The following SEMA3C variants were observed in gnomAD, a reference collection of about 807,000 sequenced individuals.
SEMA3C encodes the protein semaphorin 3C, also known as semaphorin-3C.
A neutral mutation model predicts 89.4 loss-of-function variants in SEMA3C; 47 were observed. That is an observed-to-expected ratio of 0.53 (90% confidence interval 0.42 to 0.67). The LOEUF (loss-of-function observed/expected upper bound fraction) is 0.67, where lower values mean the gene tolerates loss of function less well. Ranked by LOEUF, SEMA3C falls within the 30% of genes least tolerant of loss-of-function variation. The probability of loss-of-function intolerance (pLI) is 0.00; values close to 1 mark genes in which losing one functional copy is unlikely to be tolerated. For synonymous variants in SEMA3C, 310 were observed against 320.2 expected (o/e 0.97, Z 0.34); for missense variants, 839 against 929.1 (o/e 0.90, Z 1.26).
chr7:80,853,311 G>T (rs958988003), intron 2 of SEMA3C, among the ~76,000 whole-genome samples: 1 of 152,128 alleles, frequency 6.6e-6, no homozygotes. Context: ...AGAGTCATCT[G>T]CACTCCCATG....
At chr7:80,745,789 AAATG>A (rs1283650079) in intron 17 of SEMA3C, among the ~76,000 whole-genome samples, 1 of 152,166 alleles carries the variant, frequency 6.6e-6, no homozygotes, top group Non-Finnish European at 1.5e-5. Context: ...TTGTTTCAAT[AAATG>A]AATGGTCTTC....
intron 4 of SEMA3C, among the ~76,000 whole-genome samples, chr7:80,825,230 A>G (rs1562892689): frequency 6.6e-6 from 1 of 152,110 alleles, no homozygotes; most frequent in Admixed American, 6.5e-5. Flanking sequence ...AGTATTTCAC[A>G]TGTATGAAAT....
intron 5 of SEMA3C, among the ~76,000 whole-genome samples, chr7:80,813,342 T>A (rs2115730777): frequency 6.6e-6 from 1 of 152,310 alleles, no homozygotes; most frequent in East Asian, 1.9e-4. Flanking sequence ...CCCTACAATG[T>A]ACAGTGGCCT....
At chr7:80,867,299 C>T (rs1790950553) in intron 2 of SEMA3C, among the ~76,000 whole-genome samples, 1 of 151,924 alleles carries the variant, frequency 6.6e-6, no homozygotes. Context: ...CAGGATCTTG[C>T]TATACTGCCC....
chr7:80,759,769 A>C (rs1788142197), intron 14 of SEMA3C, among the ~76,000 whole-genome samples: 1 of 152,230 alleles, frequency 6.6e-6, no homozygotes, highest in South Asian at 2.1e-4. Context: ...AATTGTGCTG[A>C]AATTGACTGA....
At chr7:80,901,104 A>G (rs1445857423) in intron 2 of SEMA3C, among the ~76,000 whole-genome samples, 1 of 152,220 alleles carries the variant, frequency 6.6e-6, no homozygotes, top group African/African-American at 2.4e-5. Flanking sequence ...TACTGCATCT[A>G]ATTTTGGTGG....
chr7:80,817,962 T>A (rs1176365360), intron 5 of SEMA3C, among the ~76,000 whole-genome samples: 1 of 152,108 alleles, frequency 6.6e-6, no homozygotes, highest in Non-Finnish European at 1.5e-5. Flanking sequence ...TTATAACATT[T>A]TTCTTTCATC....
intron 12 of SEMA3C, among the ~76,000 whole-genome samples, chr7:80,788,631 T>C (rs2115577252): frequency 6.6e-6 from 1 of 152,346 alleles, no homozygotes; most frequent in East Asian, 1.9e-4. Context: ...CAAGCACATT[T>C]TCATTCAACT....
chr7:80,746,667 T>G (rs1004725816), intron 17 of SEMA3C, among the ~76,000 whole-genome samples: 1 of 150,742 alleles, frequency 6.6e-6, no homozygotes, highest in Admixed American at 6.6e-5. Flanking sequence ...GATGGAATAT[T>G]ATGCAGCCAG....
intron 2 of SEMA3C, among the ~76,000 whole-genome samples, chr7:80,851,978 G>A (rs1401056127): frequency 6.6e-6 from 1 of 152,132 alleles, no homozygotes; most frequent in Non-Finnish European, 1.5e-5. Context: ...AAAAACGTTT[G>A]TTTTGGTTTG....
At chr7:80,851,773 G>A (rs756421161) in intron 2 of SEMA3C, among the ~76,000 whole-genome samples, 12 of 151,872 alleles carry the variant, frequency 7.9e-5, no homozygotes, top group Non-Finnish European at 1.5e-4. Context: ...CACAAATGAT[G>A]TCAAGTGATA....
intron 16 of SEMA3C, among the ~76,000 whole-genome samples, chr7:80,750,473 T>TATATATATATACATACACACAC (rs869227686): frequency 5.4e-5 from 3 of 55,434 alleles, no homozygotes; most frequent in Non-Finnish European, 1.1e-4. Context: ...TATATATATA[T>TATATATATATACATACACACAC]ACACACACAC....
In SEMA3C at chr7:80,797,405, A is replaced by C. The variant is rs1028740289; in HGVS notation, c.1131+687T>G. On this transcript the variant is annotated intron_variant, in intron 11 of 17. Coordinates refer to ENST00000265361, the MANE Select transcript of SEMA3C (RefSeq NM_006379.5). ...AAACTGAGTTTTCAATGTATTCCTA[A>C]TACTACTAATATTGCATGATATGGA... Among the ~76,000 whole-genome samples the C allele has an allele frequency of 4.6e-5, 7 of 152,168 alleles. 1 individual carries two copies. The highest frequency in any genetic ancestry group is 3.3e-4 in the Admixed American group (5 of 15,282).
Position 80,810,696 on chromosome 7 carries a change from T to C in SEMA3C, c.453A>G (p.Gln151=), listed in dbSNP as rs752051669. The change falls in exon 6 of 18, where the codon CAA becomes CAG. Residue 151 remains glutamine (Q), a synonymous_variant. Coordinates refer to ENST00000265361, the MANE Select transcript of SEMA3C (RefSeq NM_006379.5). ...CACACTTGGAGTCAATCATGAAAAC[T>C]TGGTCCTTTATTGTAGATAAAATTT... ...YLNRGRRSED[Q]VFMIDSKCES... is the part of the protein sequence containing the mutation. 8.1e-6 allele frequency: 13 copies of C among 1,612,982 alleles called. No homozygotes were observed. The highest frequency in any genetic ancestry group is 5.3e-5 in the African/African-American group (4 of 74,926).
rs191669077 is a variant in SEMA3C at position 80,839,321 on chromosome 7, T to C, written c.104-10576A>G. The stretch of plus-strand genomic sequence containing the variant: ...AGGAAACACTTCATCTGACACCTGC[T>C]TTCTAGACCTCTTGGCACTTCTGAA... On this transcript the variant is annotated intron_variant, in intron 2 of 17. Coordinates refer to ENST00000265361, the MANE Select transcript of SEMA3C (RefSeq NM_006379.5). 3.9e-5 allele frequency among the ~76,000 whole-genome samples: 6 copies of C among 152,294 alleles called. No homozygotes were observed. In the East Asian group the frequency reaches 1.2e-3, roughly 29 times the overall value.
In SEMA3C at chr7:80,745,196, G is replaced by T. The variant is rs774807111; in HGVS notation, c.1954C>A (p.Gln652Lys). 5.0e-6 allele frequency: 8 copies of T among 1,613,856 alleles called. No individual in the cohort carries two copies. The African/African-American group carries it at 9.3e-5, about 19-fold the overall frequency. The change falls in exon 18 of 18, where the codon CAG becomes AAG. Residue 652 changes from glutamine to lysine, a missense_variant. By Grantham distance (53) the Gln-to-Lys change is moderately conservative. Coordinates refer to ENST00000265361, the MANE Select transcript of SEMA3C (RefSeq NM_006379.5). ...TTGAAGTTGATCTTGGCTATGGTCT[G>T]CTTGAAACTATTTTCTGTAGCAATG... Reference protein sequence around the residue: ...HCIATENSFKQTIAKINFKVL... With the variant: ...HCIATENSFKKTIAKINFKVL...
chr7:80,813,458 A>T (rs548173891), intron 5 of SEMA3C, among the ~76,000 whole-genome samples: 1 of 152,248 alleles, frequency 6.6e-6, no homozygotes, highest in Admixed American at 6.5e-5. Context: ...TTCTCAACTC[A>T]CATTATTGCT....
chr7:80,874,563 T>A (rs1791153810), intron 2 of SEMA3C, among the ~76,000 whole-genome samples: 1 of 151,726 alleles, frequency 6.6e-6, no homozygotes, highest in Non-Finnish European at 1.5e-5. Context: ...GCCTCCCAGG[T>A]TCAAGCGATT....
At chr7:80,809,072 C>T (rs1789406904) in intron 6 of SEMA3C, among the ~76,000 whole-genome samples, 1 of 152,054 alleles carries the variant, frequency 6.6e-6, no homozygotes, top group African/African-American at 2.4e-5. Flanking sequence ...CCACTGTGCC[C>T]GGCTAACTCA....
Sources: allele counts gnomAD v4.1 joint callset (sites outside exome capture counted in the v4.1 genomes callset), GRCh38; gene constraint gnomAD v4.1.1; transcripts MANE v1.5; gene names NCBI Gene and HGNC (gene_info 2026-07-23, HGNC 2026-07-21).